YIPF7: variants seen among roughly 807,000 people sequenced by gnomAD.
YIPF7 encodes the protein protein YIPF7.
YIPF7 carries 35 observed loss-of-function variants against 27.2 expected under a neutral mutation model. That is an observed-to-expected ratio of 1.29 (90% CI 0.98 to 1.70). The LOEUF is 1.70. Among genes scored for constraint, YIPF7 ranks in the 40% most tolerant of loss-of-function variants. YIPF7 has a pLI of 0.00. For synonymous variants in YIPF7, 137 were observed against 110.4 expected (o/e 1.24, Z -1.51); for missense variants, 358 against 303.7 (o/e 1.18, Z -1.33).
intron 5 of YIPF7, among the ~76,000 whole-genome samples, chr4:44,624,042 G>GT (rs959264864): frequency 1.5e-4 from 22 of 148,884 alleles, no homozygotes; most frequent in Admixed American, 8.0e-4. Context: ...AAAAGTGCCA[G>GT]TTTTTTTTTC....
At chr4:44,628,910 T>G (rs1265535011) in intron 4 of YIPF7, among the ~76,000 whole-genome samples, 1 of 152,126 alleles carries the variant, frequency 6.6e-6, no homozygotes, top group East Asian at 1.9e-4. Flanking sequence ...AGGTTGTCAT[T>G]GCAAATTAAT....
intron 2 of YIPF7, among the ~76,000 whole-genome samples, chr4:44,640,212 GA>G (rs1713279997): frequency 6.6e-6 from 1 of 152,140 alleles, no homozygotes; most frequent in Non-Finnish European, 1.5e-5. Context: ...GAATGACTTA[GA>G]GAAAACTCCC....
At chr4:44,661,296 A>G (rs1011071480) in intron 1 of YIPF7, among the ~76,000 whole-genome samples, 2 of 152,218 alleles carry the variant, frequency 1.3e-5, no homozygotes, top group African/African-American at 4.8e-5. Flanking sequence ...GGGCTTCTAA[A>G]TATCTCATGG....
upstream of YIPF7, among the ~76,000 whole-genome samples, chr4:44,654,987 T>C (rs1371859566): frequency 6.6e-6 from 1 of 152,002 alleles, no homozygotes; most frequent in East Asian, 1.9e-4. Context: ...CAGGAAAGAT[T>C]CTTCTGTGGT....
At chr4:44,642,404 C>T (rs900884876) in intron 2 of YIPF7, among the ~76,000 whole-genome samples, 3 of 152,034 alleles carry the variant, frequency 2.0e-5, no homozygotes, top group Admixed American at 6.6e-5. Flanking sequence ...TGATAACTAT[C>T]TAAATTTAAA....
exon 2 of YIPF7, chr4:44,660,585 C>T (rs1714020780): frequency 6.6e-6 from 1 of 152,188 alleles, no homozygotes; most frequent in Non-Finnish European, 1.5e-5. Context: ...ACAGACATCA[C>T]AGAAACAAGT....
At position 44,622,295 on chromosome 4, in the gene YIPF7, G is replaced by T. The variant is rs948247929; in HGVS notation, c.*119C>A. On this transcript the variant is annotated 3_prime_UTR_variant, in exon 6 of 6. Coordinates refer to ENST00000415895, the MANE Select transcript of YIPF7 (RefSeq NM_182592.3). ...CCCTTAAGTGCTGCTTTGTCTCTCT[G>T]CTTATTACTCTCTCAAAAGCAATAA... 11 of 1,260,348 alleles carry T rather than the reference G, an allele frequency of 8.7e-6. No homozygotes were observed. The highest frequency in any genetic ancestry group is 1.1e-5 in the Non-Finnish European group (10 of 918,910). The allele number at this position is 1,260,348 out of a possible 1,614,324, so 78.1% of individuals were successfully genotyped here. A position where few individuals can be genotyped will look rare whatever the true frequency, so the allele number is the denominator to read the frequency against.
chr4:44,638,400 G>A (rs2109588636), intron 2 of YIPF7, among the ~76,000 whole-genome samples: 1 of 151,742 alleles, frequency 6.6e-6, no homozygotes, highest in Non-Finnish European at 1.5e-5. Flanking sequence ...AGTAGGCTAA[G>A]GACATAAACA....
intron 2 of YIPF7, among the ~76,000 whole-genome samples, chr4:44,648,882 T>C (rs897091512): frequency 2.6e-5 from 4 of 152,130 alleles, no homozygotes; most frequent in African/African-American, 9.7e-5. Flanking sequence ...TTGAACCAAA[T>C]TCTTCTTACT....
chr4:44,632,721 T>C (rs1200585542), intron 3 of YIPF7, among the ~76,000 whole-genome samples: 1 of 152,232 alleles, frequency 6.6e-6, no homozygotes, highest in Non-Finnish European at 1.5e-5. Context: ...TTTTTTTATA[T>C]CTGAAAAAGA....
upstream of YIPF7, among the ~76,000 whole-genome samples, chr4:44,653,875 C>CA (rs1713810943): frequency 2.6e-5 from 4 of 152,120 alleles, no homozygotes; most frequent in South Asian, 8.3e-4. Context: ...ATAAATTCCA[C>CA]AAAAAGCCTA....
At chr4:44,625,503 A>G (rs1424356162) in intron 4 of YIPF7, among the ~76,000 whole-genome samples, 1 of 152,212 alleles carries the variant, frequency 6.6e-6, no homozygotes, top group Non-Finnish European at 1.5e-5. Context: ...TGACCACAGA[A>G]TCCTTTTATG....
chr4:44,624,031 A>T (rs1712530660), intron 5 of YIPF7, among the ~76,000 whole-genome samples: 1 of 151,870 alleles, frequency 6.6e-6, no homozygotes, highest in Non-Finnish European at 1.5e-5. Context: ...CTGACAACTT[A>T]AAAAGTGCCA....
upstream of YIPF7, among the ~76,000 whole-genome samples, chr4:44,653,252 G>C (rs1287339512): frequency 2.0e-5 from 3 of 152,076 alleles, no homozygotes; most frequent in African/African-American, 7.2e-5. Context: ...GACCAAAAAG[G>C]AGCCTGTAGG....
In YIPF7 at chr4:44,622,461, G is replaced by A. The variant is rs746094408; in HGVS notation, c.724C>T (p.Pro242Ser). 3.7e-6 allele frequency: 6 copies of A among 1,613,714 alleles called. No individual in the cohort carries two copies. The South Asian group carries it at 5.5e-5, about 15-fold the overall frequency. ...AAAAGTCCATAAAGTATGGCACAAG[G>A]GTAGGCAACAAGAAGCTGCTGTCCT... The part of the protein sequence containing the change: ...MEGQQLLVAY[P>S]CAILYGLFAL... Residue 242 changes from proline to serine, a missense_variant, in exon 6 of 6, where the codon CCT becomes TCT. By Grantham distance (74) the Pro-to-Ser change is moderately conservative. Coordinates refer to ENST00000415895, the MANE Select transcript of YIPF7 (RefSeq NM_182592.3).
At chr4:44,638,057 A>C (rs1040931264) in intron 2 of YIPF7, among the ~76,000 whole-genome samples, 1 of 152,176 alleles carries the variant, frequency 6.6e-6, no homozygotes, top group Non-Finnish European at 1.5e-5. Context: ...TTCTCAAAAG[A>C]AGATATATAA....
At chr4:44,636,288 G>A (rs11936624) in intron 2 of YIPF7, among the ~76,000 whole-genome samples, 56,447 of 151,960 alleles carry the variant, frequency 0.37, 11,233 homozygotes, top group Non-Finnish European at 0.45. Flanking sequence ...AATAATCCAC[G>A]CCAATAAACA....
chr4:44,637,399 C>T (rs1713164454), intron 2 of YIPF7, among the ~76,000 whole-genome samples: 1 of 152,170 alleles, frequency 6.6e-6, no homozygotes, highest in African/African-American at 2.4e-5. Flanking sequence ...ACATCCTCAT[C>T]AACATCTGTT....
chr4:44,646,651 T>G (rs996162944), intron 2 of YIPF7, among the ~76,000 whole-genome samples: 4 of 152,218 alleles, frequency 2.6e-5, no homozygotes, highest in Admixed American at 2.6e-4. Flanking sequence ...ATAATGATCC[T>G]ACTGTTCATT....
Sources: gnomAD v4.1 joint callset for allele counts (sites outside exome capture counted in the v4.1 genomes callset) on GRCh38, gnomAD v4.1.1 for gene constraint, MANE v1.5 for transcripts, NCBI Gene and HGNC (gene_info 2026-07-23, HGNC 2026-07-21) for gene names.